The following ANKUB1 variants were observed in gnomAD, a reference collection of about 807,000 sequenced individuals.
ANKUB1 encodes the protein ankyrin repeat and ubiquitin domain containing 1.
In ANKUB1, 42 loss-of-function variants were observed where a neutral mutation model predicts 49.3. The ratio of observed to expected loss-of-function variants is 0.85; its 90% CI spans 0.67 to 1.10. The LOEUF (loss-of-function observed/expected upper bound fraction) is 1.10, where lower values mean the gene tolerates loss of function less well. Among genes scored for constraint, ANKUB1 ranks in the 50% least tolerant of loss-of-function variants. The pLI is 0.00. For missense variants in ANKUB1, 613 were observed against 642.0 expected (o/e 0.95, Z 0.49); for synonymous variants, 222 against 231.0 (o/e 0.96, Z 0.35).
intron 3 of ANKUB1, among the ~76,000 whole-genome samples, chr3:149,773,114 A>C (rs1011558989): frequency 4.6e-5 from 7 of 151,970 alleles, no homozygotes; most frequent in Non-Finnish European, 1.0e-4. Flanking sequence ...ATTCCTAGAG[A>C]GTCTCCCCCT....
At chr3:149,785,957 C>G (rs1576682386) in intron 2 of ANKUB1, among the ~76,000 whole-genome samples, 2 of 152,308 alleles carry the variant, frequency 1.3e-5, no homozygotes, top group African/African-American at 4.8e-5. Flanking sequence ...ACCGTTCTAA[C>G]TGGTGTGAGA....
At chr3:149,775,577 C>T (rs564635274) in intron 3 of ANKUB1, among the ~76,000 whole-genome samples, 1 of 152,236 alleles carries the variant, frequency 6.6e-6, no homozygotes, top group East Asian at 1.9e-4. Context: ...TGACACAACC[C>T]TGCTCCTGGA....
intron 5 of ANKUB1, 59 bp downstream of exon 5, chr3:149,767,098 T>C (rs758236771): frequency 7.1e-7 from 1 of 1,413,748 alleles, no homozygotes. Flanking sequence ...GACCATTCCT[T>C]ATCCTGGACC....
intron 5 of ANKUB1, among the ~76,000 whole-genome samples, chr3:149,766,054 G>T (rs1366423122): frequency 6.6e-6 from 1 of 152,206 alleles, no homozygotes; most frequent in Non-Finnish European, 1.5e-5. Flanking sequence ...TGAGTAAAGG[G>T]AAAAGTCGCT....
At chr3:149,777,201 T>C (rs765771770) in intron 3 of ANKUB1, among the ~76,000 whole-genome samples, 16 of 151,684 alleles carry the variant, frequency 1.1e-4, no homozygotes, top group South Asian at 2.1e-4. Context: ...AGGCCGGGTG[T>C]GGTGGCTCAC....
intron 2 of ANKUB1, among the ~76,000 whole-genome samples, chr3:149,782,804 T>G (rs764973918): frequency 9.9e-5 from 15 of 152,144 alleles, no homozygotes; most frequent in Non-Finnish European, 1.6e-4. Context: ...CCTCCCAAAG[T>G]ATTGGGATTA....
intron 3 of ANKUB1, among the ~76,000 whole-genome samples, chr3:149,778,195 G>A (rs144886207): frequency 1.3e-5 from 2 of 152,306 alleles, no homozygotes; most frequent in Non-Finnish European, 2.9e-5. Flanking sequence ...TTCCCTTTGA[G>A]GTTCTTCTTT....
chr3:149,780,463 G>T lies in ANKUB1; in HGVS notation c.235-8C>A, dbSNP rs1490147905. The T allele has an allele frequency of 1.2e-5, 19 of 1,546,106 alleles. No homozygotes were observed. Among genetic ancestry groups the T allele is most frequent in the Non-Finnish European group, 1.7e-5 (19 of 1,141,814 alleles). ...AGTAGGCTTGTCTTCTTCCTAAAGG[G>T]AAAGAAAAGGAGGGAACTTATTGTC... On this transcript the variant is annotated splice_region_variant and splice_polypyrimidine_tract_variant and intron_variant, in intron 2 of 5. Transcript: ENST00000446160.
At position 149,767,786 on chromosome 3, in the gene ANKUB1, A is replaced by G. The variant is rs377596881; in HGVS notation, c.876T>C (p.Tyr292=). The change falls in exon 5 of 6, where the codon TAT becomes TAC. Residue 292 remains tyrosine (Y), a synonymous_variant. Transcript: ENST00000446160. ...CTGTGGACCACATTTTACTGAGCAA[A>G]TATAATACACAGTCTTTATGCTTGT... ...FKHKHKDCVL[Y]LLSKMWSTVS... 23 of 1,551,618 alleles carry G rather than the reference A, an allele frequency of 1.5e-5. No individual in the cohort carries two copies. The highest frequency in any genetic ancestry group is 2.0e-5 in the Non-Finnish European group (23 of 1,147,008).
intron 2 of ANKUB1, among the ~76,000 whole-genome samples, chr3:149,790,511 G>A (rs1012332203): frequency 6.6e-6 from 1 of 152,024 alleles, no homozygotes; most frequent in African/African-American, 2.4e-5. Context: ...TTTCATATCG[G>A]TTCTGAGATG....
rs1716785832 is a variant in ANKUB1, at chr3:149,761,592, C to A, written c.1527G>T (p.Trp509Cys). 1 of 1,550,986 alleles carries A rather than the reference C, an allele frequency of 6.4e-7. No homozygotes were observed. ...CTCTTGCTATTTCTAACTGCTGAAG[C>A]CATCGTTTCTCTTTAAAGGCACTGC... ...AVASAFKEKR[W>C]LQQLEIARVL... The change falls in exon 6 of 6, where the codon TGG becomes TGT. Residue 509 changes from tryptophan (W) to cysteine (C), a missense_variant. Transcript: ENST00000446160.
At chr3:149,769,816 T>C (rs73870403) in intron 4 of ANKUB1, among the ~76,000 whole-genome samples, 3,255 of 152,332 alleles carry the variant, frequency 0.021, 105 homozygotes, top group African/African-American at 0.074. Context: ...TTGTGGACTG[T>C]CTGTATTTAT....
intron 1 of ANKUB1, among the ~76,000 whole-genome samples, chr3:149,791,184 C>A (rs1718341277): frequency 6.6e-6 from 1 of 152,128 alleles, no homozygotes; most frequent in South Asian, 2.1e-4. Context: ...ATGTAGGCAG[C>A]AAATTAAAGT....
chr3:149,789,842 A>G (rs143107135), intron 2 of ANKUB1, among the ~76,000 whole-genome samples: 15 of 152,120 alleles, frequency 9.9e-5, no homozygotes, highest in African/African-American at 3.6e-4. Context: ...GTTGGCCAGG[A>G]TGGTCTCTAT....
At chr3:149,781,326 A>G (rs1717859943) in intron 2 of ANKUB1, among the ~76,000 whole-genome samples, 1 of 152,252 alleles carries the variant, frequency 6.6e-6, no homozygotes, top group Non-Finnish European at 1.5e-5. Flanking sequence ...AAATACAGCG[A>G]ATAGGAAAAA....
At chr3:149,791,936 C>T (rs559743246) in intron 1 of ANKUB1, among the ~76,000 whole-genome samples, 4 of 152,242 alleles carry the variant, frequency 2.6e-5, no homozygotes, top group South Asian at 2.1e-4. Flanking sequence ...GCATGTCCCA[C>T]GTATATAGCC....
chr3:149,777,873 A>G (rs577621982), intron 3 of ANKUB1, among the ~76,000 whole-genome samples: 8 of 152,350 alleles, frequency 5.3e-5, no homozygotes, highest in Admixed American at 5.2e-4. Context: ...GCAGCTTTGC[A>G]AATGTTTGTA....
chr3:149,770,831 T>C (rs1472051670), intron 3 of ANKUB1, among the ~76,000 whole-genome samples, 157 bp from the exon 4 acceptor site: 1 of 152,250 alleles, frequency 6.6e-6, no homozygotes, highest in Non-Finnish European at 1.5e-5. Flanking sequence ...ATTTTTAGCA[T>C]AGGCCATTAT....
chr3:149,791,481 G>T (rs1277594715), intron 1 of ANKUB1, among the ~76,000 whole-genome samples: 3 of 152,056 alleles, frequency 2.0e-5, no homozygotes, highest in African/African-American at 7.2e-5. Flanking sequence ...GACATTCTGA[G>T]AAGCAGTCTA....
Sources: gnomAD v4.1 joint callset for allele counts (sites outside exome capture counted in the v4.1 genomes callset) on GRCh38, gnomAD v4.1.1 for gene constraint, MANE v1.5 for transcripts, NCBI Gene and HGNC (gene_info 2026-07-23, HGNC 2026-07-21) for gene names.